The following PTPRN2 variants were observed in gnomAD, a reference collection of about 807,000 sequenced individuals.
PTPRN2 encodes protein tyrosine phosphatase receptor type N2, also known as receptor-type tyrosine-protein phosphatase N2.
A neutral mutation model predicts 118.8 loss-of-function variants in PTPRN2; 74 were observed. The observed-to-expected ratio is 0.62, with a 90% CI of 0.52 to 0.76. The LOEUF (loss-of-function observed/expected upper bound fraction) is 0.76, where lower values mean the gene tolerates loss of function less well. Ranked by LOEUF, PTPRN2 falls within the 30% of genes least tolerant of loss-of-function variation. PTPRN2 has a pLI of 0.00. For missense variants in PTPRN2, 1,481 were observed against 1,394.4 expected (o/e 1.06, Z -0.99); for synonymous variants, 641 against 608.0 (o/e 1.05, Z -0.80).
intron 12 of PTPRN2, among the ~76,000 whole-genome samples, chr7:157,737,207 C>T (rs942186446): frequency 2.6e-5 from 4 of 152,264 alleles, no homozygotes; most frequent in South Asian, 2.1e-4. Flanking sequence ...TATCTTCATG[C>T]GTCTTCCTTC....
At chr7:157,644,192 A>G (rs549084573) in intron 14 of PTPRN2, among the ~76,000 whole-genome samples, 127 of 152,336 alleles carry the variant, frequency 8.3e-4, no homozygotes, top group African/African-American at 2.9e-3. Context: ...TTGGCCCCAG[A>G]CCAATCTGAG....
Position 158,093,001 on chromosome 7 carries a change from C to T in PTPRN2, c.1644-11624G>A, listed in dbSNP as rs558653286. On this transcript the variant is annotated intron_variant, in intron 10 of 22. Coordinates refer to ENST00000389418, the MANE Select transcript of PTPRN2 (RefSeq NM_002847.5). This position sits in a 1 kb window ranked among gnomAD's most constrained non-coding sequence, Gnocchi z 4.4. ...GTTGAAACCCTTGTAGTTTTAGGTG[C>T]TAGCTCCAAATAGTCCAATTCTAAT... Among the ~76,000 whole-genome samples the T allele has an allele frequency of 3.9e-5, 6 of 152,354 alleles. No homozygotes were observed. The highest frequency in any genetic ancestry group is 6.5e-5 in the Admixed American group (1 of 15,310).
chr7:157,708,197 C>G (rs553448705), intron 12 of PTPRN2, among the ~76,000 whole-genome samples: 1 of 152,218 alleles, frequency 6.6e-6, no homozygotes, highest in African/African-American at 2.4e-5. Flanking sequence ...TGCCCCGTGC[C>G]GTGTGCCTCT....
chr7:158,312,957 C>T (rs867814337), intron 3 of PTPRN2, among the ~76,000 whole-genome samples: 8 of 149,852 alleles, frequency 5.3e-5, no homozygotes, highest in Admixed American at 2.7e-4. Context: ...GGGGTGTGTG[C>T]GTGTGTGCAT....
At chr7:157,641,343 C>CA (rs1804652784) in intron 14 of PTPRN2, among the ~76,000 whole-genome samples, 1 of 152,250 alleles carries the variant, frequency 6.6e-6, no homozygotes, top group South Asian at 2.1e-4. Context: ...ATATGTAAGG[C>CA]AAAGAATGAG....
intron 11 of PTPRN2, among the ~76,000 whole-genome samples, chr7:158,012,902 C>G (rs1585200279): frequency 6.6e-6 from 1 of 152,138 alleles, no homozygotes; most frequent in East Asian, 1.9e-4. Context: ...CAAATCAAAC[C>G]CTCAGTTCTA....
At chr7:158,368,554 G>C (rs1355064806) in intron 2 of PTPRN2, among the ~76,000 whole-genome samples, 1 of 152,202 alleles carries the variant, frequency 6.6e-6, no homozygotes, top group Non-Finnish European at 1.5e-5. Flanking sequence ...GAAACTGTTA[G>C]TTCCTGGCCC....
chr7:157,933,347 G>A (rs34882737), intron 11 of PTPRN2, among the ~76,000 whole-genome samples: 12 of 147,864 alleles, frequency 8.1e-5, no homozygotes, highest in Non-Finnish European at 1.6e-4. Context: ...TTTTAGAGGA[G>A]GGGTGAGTCA....
At chr7:157,935,563 T>G (rs1799646512) in intron 11 of PTPRN2, among the ~76,000 whole-genome samples, 1 of 152,252 alleles carries the variant, frequency 6.6e-6, no homozygotes, top group Non-Finnish European at 1.5e-5. Context: ...TGAACAGATC[T>G]GGAATTGTTG....
At chr7:157,650,356 C>T (rs1242577225) in intron 14 of PTPRN2, among the ~76,000 whole-genome samples, 1 of 152,230 alleles carries the variant, frequency 6.6e-6, no homozygotes, top group African/African-American at 2.4e-5. Context: ...CTTGCCTATG[C>T]CACGCAGTCC....
At chr7:158,497,469 T>C (rs1205194544) in intron 1 of PTPRN2, among the ~76,000 whole-genome samples, 1 of 151,888 alleles carries the variant, frequency 6.6e-6, no homozygotes, top group Non-Finnish European at 1.5e-5. Context: ...GGCCACACTC[T>C]CAGCGCAGGG....
chr7:158,492,016 A>C (rs748238918), intron 1 of PTPRN2, among the ~76,000 whole-genome samples: 1 of 152,188 alleles, frequency 6.6e-6, no homozygotes, highest in Non-Finnish European at 1.5e-5. Flanking sequence ...AAAGGTCAGC[A>C]TGGAGGTTAG....
intron 2 of PTPRN2, among the ~76,000 whole-genome samples, chr7:158,407,104 CCCTGGGTCCTGCGT>C (rs1813508659): frequency 1.3e-5 from 2 of 150,880 alleles, no homozygotes; most frequent in South Asian, 4.2e-4. Flanking sequence ...ACAAGCCCAG[CCCTGGGTCCTGCGT>C]CCTGGGTCCT....
At chr7:157,982,384 A>G (rs1446139258) in intron 11 of PTPRN2, among the ~76,000 whole-genome samples, 4 of 133,624 alleles carry the variant, frequency 3.0e-5, no homozygotes, top group Non-Finnish European at 4.7e-5. Flanking sequence ...CGAGGAGGGG[A>G]ATGCAGAGTG....
intron 11 of PTPRN2, among the ~76,000 whole-genome samples, chr7:158,079,036 T>A: frequency 6.6e-6 from 1 of 152,042 alleles, no homozygotes. Context: ...AGAGATGGGG[T>A]TTCACCATAT....
chr7:158,048,154 C>T (rs2128894498), intron 11 of PTPRN2, among the ~76,000 whole-genome samples: 2 of 151,668 alleles, frequency 1.3e-5, no homozygotes, highest in Middle Eastern at 3.4e-3. Context: ...CACACACACA[C>T]AGGTCAGTAC....
At chr7:158,343,563 C>T (rs1050944673) in intron 2 of PTPRN2, among the ~76,000 whole-genome samples, 4 of 152,174 alleles carry the variant, frequency 2.6e-5, no homozygotes, top group African/African-American at 9.7e-5. Context: ...CACCCAATAC[C>T]TGCAAGCAGG....
intron 12 of PTPRN2, among the ~76,000 whole-genome samples, chr7:157,727,455 G>A (rs1799662365): frequency 6.6e-6 from 1 of 152,192 alleles, no homozygotes; most frequent in Non-Finnish European, 1.5e-5. Flanking sequence ...CACAGACTGT[G>A]TGATTCCACT....
Position 158,186,040 on chromosome 7 carries a change from G to A in PTPRN2, c.549+6287C>T, listed in dbSNP as rs117780464. On this transcript the variant is annotated intron_variant, in intron 5 of 22. Coordinates refer to ENST00000389418, the MANE Select transcript of PTPRN2 (RefSeq NM_002847.5). Reference sequence around the variant, plus strand: ...CTCTCCCTCCTCCATCCCTAGTGCCGCATCTCACATACTCAGCGAAAGCCC... The same window carrying A: ...CTCTCCCTCCTCCATCCCTAGTGCCACATCTCACATACTCAGCGAAAGCCC... Among the ~76,000 whole-genome samples the A allele has an allele frequency of 5.1e-3, 774 of 152,182 alleles. 3 individuals are homozygous for A. Among genetic ancestry groups the A allele is most frequent in the Non-Finnish European group, 9.5e-3 (647 of 68,012 alleles).
Sources: allele counts gnomAD v4.1 joint callset (sites outside exome capture counted in the v4.1 genomes callset), GRCh38; gene constraint gnomAD v4.1.1; non-coding constraint Gnocchi (gnomAD v3.1); transcripts MANE v1.5; gene names NCBI Gene and HGNC (gene_info 2026-07-23, HGNC 2026-07-21).